SNX31: variants seen among roughly 807,000 people sequenced by gnomAD.
SNX31 encodes the protein sorting nexin-31.
SNX31 carries 58 observed loss-of-function variants against 65.4 expected under a neutral mutation model. That is an observed-to-expected ratio of 0.89 (90% CI 0.72 to 1.10). The LOEUF (loss-of-function observed/expected upper bound fraction) is 1.10. SNX31 is among the 50% of genes least tolerant of loss of function. The pLI is 0.00. For missense variants in SNX31, 523 were observed against 529.7 expected (o/e 0.99, Z 0.12); for synonymous variants, 181 against 190.1 (o/e 0.95, Z 0.39).
chr8:100,581,319 C>CTATATA (rs1261112864), intron 12 of SNX31, among the ~76,000 whole-genome samples: 44 of 123,036 alleles, frequency 3.6e-4, no homozygotes, highest in Middle Eastern at 3.8e-3. Flanking sequence ...TTTTATATAT[C>CTATATA]TATATCTATC....
chr8:100,657,696 T>A (rs1180326131), intron 1 of SNX31: 1 of 455,594 alleles, frequency 2.2e-6, no homozygotes, highest in Admixed American at 2.4e-5. Flanking sequence ...CAGGTGAAGA[T>A]CAGGGTCACG....
chr8:100,661,082 T>C (rs1352983932), intron 1 of SNX31, among the ~76,000 whole-genome samples: 1 of 151,094 alleles, frequency 6.6e-6, no homozygotes, highest in Non-Finnish European at 1.5e-5. Flanking sequence ...CTCGGCTCAC[T>C]GCAACCTCCG....
chr8:100,642,934 T>C (rs1819360710), intron 2 of SNX31, among the ~76,000 whole-genome samples: 2 of 152,198 alleles, frequency 1.3e-5, no homozygotes, highest in Non-Finnish European at 2.9e-5. Flanking sequence ...CTCATGCCTG[T>C]AATCCTAGCA....
At chr8:100,656,888 C>T (rs1018745662) in intron 1 of SNX31, among the ~76,000 whole-genome samples, 1 of 152,048 alleles carries the variant, frequency 6.6e-6, no homozygotes, top group Non-Finnish European at 1.5e-5. Context: ...ATGGTTGCTG[C>T]CGACAATGAT....
At chr8:100,662,927 T>G (rs780829597) in intron 1 of SNX31, among the ~76,000 whole-genome samples, 70 of 152,116 alleles carry the variant, frequency 4.6e-4, no homozygotes, top group Non-Finnish European at 8.2e-4. Flanking sequence ...AAATCAGTGC[T>G]CTACTATTAA....
Position 100,630,385 on chromosome 8 carries a change from AT to A in SNX31, c.262del (p.Met88TrpfsTer6). 1.2e-6 allele frequency: 2 copies of A among 1,612,486 alleles called. No individual in the cohort carries two copies. Among genetic ancestry groups the A allele is most frequent in the Non-Finnish European group, 1.7e-6 (2 of 1,179,566 alleles). Reference protein sequence around the residue: ...QLEQYLQNVTMDPNVLRSDVF... With the variant: ...QLEQYLQNVTXDPNVLRSDVF... Reference sequence around the variant, plus strand: ...ATCACTTCTCAACACGTTTGGGTCCATGGTTACTGAAAAACATGGACGGTGA... The same window carrying A: ...ATCACTTCTCAACACGTTTGGGTCCAGGTTACTGAAAAACATGGACGGTGA... On this transcript the variant is annotated frameshift_variant, in exon 4 of 14. Coordinates refer to ENST00000311812, the MANE Select transcript of SNX31 (RefSeq NM_152628.4). LOFTEE classifies it high-confidence loss of function. This position sits in a 1 kb window ranked among gnomAD's most constrained non-coding sequence, Gnocchi z 5.3.
In SNX31 at chr8:100,589,002, T is replaced by C. The variant is rs1162818520; in HGVS notation, c.979-23A>G. On this transcript the variant is annotated intron_variant, in intron 10 of 13. Coordinates refer to ENST00000311812, the MANE Select transcript of SNX31 (RefSeq NM_152628.4). Reference sequence around the variant, plus strand: ...TCCCTACAAAGGAAAATATTTTATATTCAATGTAAATTTAAATGCCTATTA... The same window carrying C: ...TCCCTACAAAGGAAAATATTTTATACTCAATGTAAATTTAAATGCCTATTA... 4 of 1,581,382 alleles carry C rather than the reference T, an allele frequency of 2.5e-6. No individual in the cohort carries two copies. In the Admixed American group the frequency reaches 6.8e-5, roughly 27 times the overall value.
At position 100,614,578 on chromosome 8, in the gene SNX31, T is replaced by G. The variant is rs1416627804; in HGVS notation, c.433-1493A>C. On this transcript the variant is annotated intron_variant, in intron 5 of 13. Transcript: ENST00000311812. The surrounding 1 kb of genome is among the most constrained non-coding windows in gnomAD (Gnocchi z 5.1). ...TAGATTTTAGCTTGCTGCTGGCCCTTAAAGAGGCCATTGAGGCCCGGCACG... is the reference window on the plus strand; with the variant it reads ...TAGATTTTAGCTTGCTGCTGGCCCTGAAAGAGGCCATTGAGGCCCGGCACG... Among the ~76,000 whole-genome samples the G allele has an allele frequency of 6.6e-6, 1 of 152,034 alleles. No individual in the cohort carries two copies. The highest frequency in any genetic ancestry group is 2.4e-5 in the African/African-American group (1 of 41,406).
At chr8:100,652,126 A>C (rs984863513), upstream of SNX31, among the ~76,000 whole-genome samples, 1 of 151,966 alleles carries the variant, frequency 6.6e-6, no homozygotes, top group Non-Finnish European at 1.5e-5. Context: ...TTACAGGCAC[A>C]CGCCACAATG....
intron 11 of SNX31, among the ~76,000 whole-genome samples, chr8:100,584,797 G>T (rs2130821842): frequency 6.9e-6 from 1 of 144,474 alleles, no homozygotes; most frequent in African/African-American, 2.6e-5. Flanking sequence ...CACCCAGGCT[G>T]GAGTGCTGTG....
chr8:100,597,430 CAG>C (rs2130912824), intron 9 of SNX31, among the ~76,000 whole-genome samples: 1 of 152,200 alleles, frequency 6.6e-6, no homozygotes, highest in African/African-American at 2.4e-5. Context: ...TTAGTGGAGA[CAG>C]GGTTTCACCA....
intron 4 of SNX31, among the ~76,000 whole-genome samples, chr8:100,627,354 AAAAC>A (rs1000354033): frequency 7.9e-5 from 12 of 152,258 alleles, no homozygotes; most frequent in South Asian, 2.1e-4. Flanking sequence ...CTCCATCTCA[AAAAC>A]AAACAAACAA....
chr8:100,617,544 C>T (rs12114870), intron 5 of SNX31, 76 bp downstream of exon 5: 27,641 of 1,012,606 alleles, frequency 0.027, 1,488 homozygotes, highest in African/African-American at 0.2. Flanking sequence ...GGAAGGTAAC[C>T]GTATCCCATT....
At chr8:100,621,291 G>A (rs980143789) in intron 4 of SNX31, among the ~76,000 whole-genome samples, 4 of 152,206 alleles carry the variant, frequency 2.6e-5, no homozygotes, top group African/African-American at 9.7e-5. Flanking sequence ...GCACCCCAGT[G>A]TGATAACTGC....
chr8:100,645,012 A>T (rs1819529974), intron 2 of SNX31, among the ~76,000 whole-genome samples: 1 of 152,226 alleles, frequency 6.6e-6, no homozygotes, highest in Non-Finnish European at 1.5e-5. Flanking sequence ...CCTGGCTGAG[A>T]TGGAGTAGAG....
intron 8 of SNX31, among the ~76,000 whole-genome samples, chr8:100,603,009 G>A (rs1190529162): frequency 1.3e-5 from 2 of 152,146 alleles, no homozygotes; most frequent in Admixed American, 6.5e-5. Context: ...AGGTTATGAT[G>A]TTCAAGATGA....
In SNX31 at chr8:100,609,090, G is replaced by A. The variant is rs148580763; in HGVS notation, c.612-527C>T. Among the ~76,000 whole-genome samples, 365 of 152,214 alleles carry A rather than the reference G, an allele frequency of 2.4e-3. No homozygotes were observed. Among genetic ancestry groups the A allele is most frequent in the African/African-American group, 7.5e-3 (312 of 41,532 alleles). ...ACTTTTCAGACTCTCATTGTTCCTG[G>A]AGTTAGATATTTATTCTACTCACTT... is the stretch of plus-strand genomic sequence containing the variant. On this transcript the variant is annotated intron_variant, in intron 7 of 13. Transcript: ENST00000311812. This position sits in a 1 kb window ranked among gnomAD's most constrained non-coding sequence, Gnocchi z 4.9.
chr8:100,643,067 T>G (rs1248813239), intron 2 of SNX31, among the ~76,000 whole-genome samples: 1 of 151,090 alleles, frequency 6.6e-6, no homozygotes, highest in Non-Finnish European at 1.5e-5. Flanking sequence ...GGCAGGCACT[T>G]GTAATCCCAG....
At chr8:100,589,112 C>A (rs969849556) in intron 10 of SNX31, 133 bp from the exon 11 acceptor site, 1 of 558,430 alleles carries the variant, frequency 1.8e-6, no homozygotes. Context: ...ACCATCCTGG[C>A]CAACATGGTG....
Sources: gnomAD v4.1 joint callset for allele counts (sites outside exome capture counted in the v4.1 genomes callset) on GRCh38, gnomAD v4.1.1 for gene constraint, Gnocchi (gnomAD v3.1) non-coding constraint, MANE v1.5 for transcripts, NCBI Gene and HGNC (gene_info 2026-07-23, HGNC 2026-07-21) for gene names.